Variants in OR11A1 observed in about 807,000 individuals in gnomAD.
OR11A1 encodes olfactory receptor 11A1.
For missense variants in OR11A1, 380 were observed against 378.2 expected (o/e 1.00, Z -0.04); for synonymous variants, 158 against 152.2 (o/e 1.04, Z -0.28).
Position 29,430,288 on chromosome 6 carries a change from GC to G in OR11A1, c.-140+12del. 1 of 985,382 alleles carries G rather than the reference GC, an allele frequency of 1.0e-6. No homozygotes were observed. Among genetic ancestry groups the G allele is most frequent in the Non-Finnish European group, 1.2e-6 (1 of 829,916 alleles). 61.0% of individuals were successfully genotyped at this position (985,382 alleles called of 1,614,324 possible). ...TTGCCCTCCAACTCCCGTCTCTAAA[GC>G]TATTCTCTTACCCTTTGATCCCATC... On this transcript the variant is annotated intron_variant, in intron 3 of 4. Transcript: ENST00000377149.
intron 2 of OR11A1, among the ~76,000 whole-genome samples, chr6:29,431,571 C>T (rs772288765): frequency 2.1e-4 from 32 of 152,222 alleles, no homozygotes; most frequent in Middle Eastern, 3.4e-3. Context: ...TGAATATCTA[C>T]TGTTCCCCAT....
intron 1 of OR11A1, among the ~76,000 whole-genome samples, chr6:29,452,742 TACTC>T (rs1472064938): frequency 1.3e-5 from 2 of 152,112 alleles, no homozygotes; most frequent in African/African-American, 4.8e-5. Flanking sequence ...TGCCAGAAGA[TACTC>T]ACTAAAAGAA....
At chr6:29,442,295 G>A (rs942331005) in intron 1 of OR11A1, among the ~76,000 whole-genome samples, 2 of 152,116 alleles carry the variant, frequency 1.3e-5, no homozygotes, top group African/African-American at 4.8e-5. Context: ...AGACACGGAA[G>A]AGCAAATATA....
intron 1 of OR11A1, among the ~76,000 whole-genome samples, chr6:29,435,947 TA>T (rs1783595480): frequency 6.6e-6 from 1 of 152,232 alleles, no homozygotes; most frequent in Admixed American, 6.5e-5. Context: ...CCTGGCCTTC[TA>T]AAAATATATT....
chr6:29,455,449 A>G (rs1467933933), intron 1 of OR11A1, among the ~76,000 whole-genome samples: 2 of 152,220 alleles, frequency 1.3e-5, no homozygotes, highest in Non-Finnish European at 1.5e-5. Flanking sequence ...TGTGAGATTA[A>G]TAAGTCTAGA....
At position 29,449,961 on chromosome 6, in the gene OR11A1, C is replaced by T. The variant is rs116769541; in HGVS notation, c.-389+7026G>A. ...CCAAATGACCATCTTTCTTACCACT[C>T]ATCCACAAAGCTCACAAAACGAGAA... On this transcript the variant is annotated intron_variant, in intron 1 of 4. Coordinates refer to ENST00000377149, the MANE Select transcript of OR11A1 (RefSeq NM_001394828.1). Among the ~76,000 whole-genome samples the T allele has an allele frequency of 6.6e-3, 1,007 of 152,268 alleles. 9 individuals carry two copies. Among genetic ancestry groups the T allele is most frequent in the Middle Eastern group, 0.01 (3 of 294 alleles).
chr6:29,428,613 CG>C (rs1783028250), intron 4 of OR11A1: 1 of 160,926 alleles, frequency 6.2e-6, no homozygotes, highest in Non-Finnish European at 1.3e-5. Flanking sequence ...AAAAATTAGC[CG>C]GGCGTGGTGG....
intron 1 of OR11A1, among the ~76,000 whole-genome samples, chr6:29,448,014 T>TC (rs1784952459): frequency 7.3e-6 from 1 of 137,342 alleles, no homozygotes; most frequent in South Asian, 2.6e-4. Context: ...CCCTTTCTTT[T>TC]TTTTTTTTTT....
chr6:29,432,079 A>G, intron 1 of OR11A1, 92 bp from the exon 2 acceptor site: 1 of 843,646 alleles, frequency 1.2e-6, no homozygotes, highest in East Asian at 1.2e-4. Flanking sequence ...CCCCTTTTCT[A>G]GCTCTCAGGC....
intron 1 of OR11A1, among the ~76,000 whole-genome samples, chr6:29,448,010 C>CTTTTT (rs9280602): frequency 0.035 from 2,791 of 79,534 alleles, 21 homozygotes; most frequent in Middle Eastern, 0.062. Context: ...ATGACCCTTT[C>CTTTTT]TTTTTTTTTT....
intron 1 of OR11A1, among the ~76,000 whole-genome samples, chr6:29,438,672 A>C (rs1783842541): frequency 6.6e-6 from 1 of 152,224 alleles, no homozygotes; most frequent in Admixed American, 6.5e-5. Context: ...GCAATCTAAG[A>C]AACAGATTCA....
At chr6:29,444,427 C>A (rs1264752615) in intron 1 of OR11A1, among the ~76,000 whole-genome samples, 1 of 152,156 alleles carries the variant, frequency 6.6e-6, no homozygotes, top group Non-Finnish European at 1.5e-5. Flanking sequence ...ATCTCTACTC[C>A]GTTACTAAAA....
At chr6:29,435,089 G>A (rs1456726016) in intron 1 of OR11A1, among the ~76,000 whole-genome samples, 1 of 152,208 alleles carries the variant, frequency 6.6e-6, no homozygotes, top group Non-Finnish European at 1.5e-5. Flanking sequence ...CTTGATATAT[G>A]TTGTACTAGG....
At chr6:29,428,280 A>G (rs1488514016) in intron 4 of OR11A1, 1 of 985,214 alleles carries the variant, frequency 1.0e-6, no homozygotes, top group Non-Finnish European at 1.2e-6. Flanking sequence ...TAGTTTCATC[A>G]AGTCATTCAG....
chr6:29,431,656 C>T (rs1352988654), intron 2 of OR11A1, among the ~76,000 whole-genome samples: 1 of 152,130 alleles, frequency 6.6e-6, no homozygotes, highest in Non-Finnish European at 1.5e-5. Context: ...CTTTTAAAAA[C>T]ATCCAATGGA....
intron 1 of OR11A1, chr6:29,439,976 G>A: frequency 6.5e-7 from 1 of 1,527,638 alleles, no homozygotes; most frequent in African/African-American, 1.4e-5. Context: ...ATTTTTCCTT[G>A]CCATTTCTTT....
rs116937167 is a variant in OR11A1, at chr6:29,427,845, C to T, written c.-91-113G>A. ...TGTCATTCCTTCCTCAACTCTCATCCTTCCCTGCCTTCCTTAATTGTGCAT... is the reference window on the plus strand; with the variant it reads ...TGTCATTCCTTCCTCAACTCTCATCTTTCCCTGCCTTCCTTAATTGTGCAT... On this transcript the variant is annotated intron_variant, in intron 4 of 4. Transcript: ENST00000377149. 1.5e-3 allele frequency: 1,123 copies of T among 749,876 alleles called. 14 individuals carry two copies. In the East Asian group the frequency reaches 0.02, roughly 13 times the overall value. The allele number at this position is 749,876 out of a possible 1,614,324, so 46.5% of individuals were successfully genotyped here. A position where few individuals can be genotyped will look rare whatever the true frequency, so the allele number is the denominator to read the frequency against.
At chr6:29,428,618 G>T (rs140421640) in intron 4 of OR11A1, among the ~76,000 whole-genome samples, 2,918 of 151,946 alleles carry the variant, frequency 0.019, 61 homozygotes, top group African/African-American at 0.043. Context: ...TTAGCCGGGC[G>T]TGGTGGCGGG....
intron 1 of OR11A1, among the ~76,000 whole-genome samples, chr6:29,454,658 C>G (rs1268565895): frequency 6.6e-6 from 1 of 152,050 alleles, no homozygotes; most frequent in African/African-American, 2.4e-5. Flanking sequence ...TTCATAAGAA[C>G]ATTATTAGTA....
Sources: gnomAD v4.1 joint callset for allele counts (sites outside exome capture counted in the v4.1 genomes callset) on GRCh38, gnomAD v4.1.1 for gene constraint, MANE v1.5 for transcripts, NCBI Gene and HGNC (gene_info 2026-07-23, HGNC 2026-07-21) for gene names.